Variants in DYM observed in about 807,000 individuals in gnomAD.
DYM encodes dyggve-Melchior-Clausen syndrome protein.
In DYM, 78 loss-of-function variants were observed where a neutral mutation model predicts 93.1. The observed-to-expected ratio is 0.84, with a 90% CI of 0.70 to 1.01. The LOEUF is 1.01. DYM is among the 50% of genes least tolerant of loss of function. The pLI is 0.00. For missense variants in DYM, 789 were observed against 845.0 expected (o/e 0.93, Z 0.82); for synonymous variants, 321 against 319.7 (o/e 1.00, Z -0.04).
At chr18:49,281,005 G>A (rs942444695) in intron 10 of DYM, among the ~76,000 whole-genome samples, 3 of 152,206 alleles carry the variant, frequency 2.0e-5, no homozygotes, top group Admixed American at 6.5e-5. Flanking sequence ...TACCATCGGA[G>A]TGAACAGGCA....
chr18:49,389,203 G>A (rs1568361842), intron 3 of DYM, among the ~76,000 whole-genome samples: 1 of 152,022 alleles, frequency 6.6e-6, no homozygotes, highest in Admixed American at 6.6e-5. Flanking sequence ...CTGGAATTTG[G>A]GGCAATAAAT....
At chr18:49,327,228 AT>A (rs1037922297) in intron 8 of DYM, among the ~76,000 whole-genome samples, 6 of 151,786 alleles carry the variant, frequency 4.0e-5, no homozygotes, top group Admixed American at 6.6e-5. Flanking sequence ...TCAAAATAAA[AT>A]TTTTTTTTAA....
At chr18:49,373,304 A>G (rs2067213513) in intron 5 of DYM, among the ~76,000 whole-genome samples, 1 of 152,174 alleles carries the variant, frequency 6.6e-6, no homozygotes, top group Admixed American at 6.5e-5. Flanking sequence ...CGGCTACTCC[A>G]GAGACAGAGC....
rs532641846 is a variant in DYM, at chr18:49,358,238, C to G, written c.494+4923G>C. 2.0e-5 allele frequency among the ~76,000 whole-genome samples: 3 copies of G among 152,284 alleles called. No individual in the cohort carries two copies. The East Asian group carries it at 5.8e-4, about 29-fold the overall frequency. On this transcript the variant is annotated intron_variant, in intron 6 of 17. Transcript: ENST00000675505. ...CTATTTTCAGGTGGTCAAAGCTACT[C>G]TATAGGGTAGTCAGGGTGGCCATTT...
chr18:49,378,675 T>C lies in DYM; in HGVS notation c.313A>G (p.Asn105Asp). 6.2e-7 allele frequency: 1 copy of C among 1,613,304 alleles called. No individual in the cohort carries two copies. The highest frequency in any genetic ancestry group is 8.5e-7 in the Non-Finnish European group (1 of 1,179,548). ...AAACAGCAAATAATAAACAAAGCAT[T>C]GTGTGTCTGCCAAATGAAGATGTGG... ...QNHIFIWQTHNALFIICCLLK... is the reference protein window; with the variant it reads ...QNHIFIWQTHDALFIICCLLK... Residue 105 changes from asparagine to aspartate, a missense_variant, in exon 5 of 18, where the codon AAT becomes GAT. By Grantham distance (23) the Asn-to-Asp change is conservative. Coordinates refer to ENST00000675505, the MANE Select transcript of DYM (RefSeq NM_001353214.3).
chr18:49,255,897 G>T (rs925668457), intron 13 of DYM, among the ~76,000 whole-genome samples: 4 of 151,390 alleles, frequency 2.6e-5, no homozygotes, highest in South Asian at 4.2e-4. Flanking sequence ...TGTCTTTACA[G>T]GGTGAAACCC....
At chr18:49,445,529 A>G (rs2082024379) in intron 1 of DYM, among the ~76,000 whole-genome samples, 1 of 152,206 alleles carries the variant, frequency 6.6e-6, no homozygotes, top group African/African-American at 2.4e-5. Context: ...AAGAGGACAA[A>G]TAAGTGAAAA....
intron 17 of DYM, among the ~76,000 whole-genome samples, chr18:49,072,749 T>C (rs1009803528): frequency 5.9e-5 from 9 of 152,234 alleles, no homozygotes; most frequent in African/African-American, 2.2e-4. Context: ...TTGCTTATCA[T>C]TGCTGAGACA....
At chr18:49,322,130 T>G (rs2062528819) in intron 8 of DYM, among the ~76,000 whole-genome samples, 1 of 152,158 alleles carries the variant, frequency 6.6e-6, no homozygotes, top group African/African-American at 2.4e-5. Context: ...TGAATTTCTC[T>G]ATCATAGCAT....
At chr18:49,297,520 T>C (rs1284554588) in intron 8 of DYM, among the ~76,000 whole-genome samples, 1 of 152,212 alleles carries the variant, frequency 6.6e-6, no homozygotes, top group African/African-American at 2.4e-5. Context: ...TTGAGCCACA[T>C]GCTAATTATG....
At chr18:49,049,940 C>T (rs1484985355) in intron 17 of DYM, among the ~76,000 whole-genome samples, 1 of 152,152 alleles carries the variant, frequency 6.6e-6, no homozygotes, top group East Asian at 1.9e-4. Context: ...TTTTAAAGAA[C>T]AAAGCTGTTT....
intron 13 of DYM, 81 bp downstream of exon 13, chr18:49,256,929 T>C (rs1047054684): frequency 1.6e-6 from 2 of 1,219,428 alleles, no homozygotes; most frequent in African/African-American, 1.5e-5. Flanking sequence ...ACAGGTAACA[T>C]TTAAAAAGGA....
intron 13 of DYM, among the ~76,000 whole-genome samples, chr18:49,252,711 T>C (rs2094316381): frequency 6.6e-6 from 1 of 152,128 alleles, no homozygotes; most frequent in African/African-American, 2.4e-5. Context: ...GAAAACTACC[T>C]GTTAATCAAA....
chr18:49,149,728 G>C (rs1156894217), intron 15 of DYM, among the ~76,000 whole-genome samples: 1 of 79,320 alleles, frequency 1.3e-5, no homozygotes, highest in Non-Finnish European at 2.3e-5. Context: ...TTTTTTTTGA[G>C]ATGGAATCTC....
chr18:49,392,402 GAA>G (rs1599870588), intron 2 of DYM, among the ~76,000 whole-genome samples: 1 of 152,236 alleles, frequency 6.6e-6, no homozygotes, highest in East Asian at 1.9e-4. Context: ...TCTACAGAGT[GAA>G]AAGTCAACCC....
At chr18:49,315,606 T>C (rs1367084656) in intron 8 of DYM, among the ~76,000 whole-genome samples, 1 of 152,200 alleles carries the variant, frequency 6.6e-6, no homozygotes, top group Non-Finnish European at 1.5e-5. Context: ...CATGAAAGAC[T>C]AAAAGACGTG....
chr18:49,132,207 A>C (rs1235226831), intron 15 of DYM, among the ~76,000 whole-genome samples: 1 of 152,222 alleles, frequency 6.6e-6, no homozygotes, highest in Non-Finnish European at 1.5e-5. Flanking sequence ...ATTTATTTAA[A>C]GATACTTCAG....
In DYM at chr18:49,141,534, G is replaced by A. The variant is rs191015093; in HGVS notation, c.1728+22151C>T. Among the ~76,000 whole-genome samples the A allele has an allele frequency of 1.6e-3, 247 of 152,178 alleles. 3 individuals are homozygous for A. Among genetic ancestry groups the A allele is most frequent in the Non-Finnish European group, 6.2e-4 (42 of 68,016 alleles). On this transcript the variant is annotated intron_variant, in intron 15 of 17. Transcript: ENST00000675505. ...CAGTTTCTTGAATAAACAGAGCTCC[G>A]TCCTGCTTCAGGCCTTCACACATGC...
chr18:49,077,279 T>C (rs1182538578), intron 17 of DYM, among the ~76,000 whole-genome samples: 2 of 152,254 alleles, frequency 1.3e-5, no homozygotes, highest in Non-Finnish European at 2.9e-5. Context: ...GCTGTCCCCC[T>C]GGGCCCAAGG....
Sources: gnomAD v4.1 joint callset for allele counts (sites outside exome capture counted in the v4.1 genomes callset) on GRCh38, gnomAD v4.1.1 for gene constraint, MANE v1.5 for transcripts, NCBI Gene and HGNC (gene_info 2026-07-23, HGNC 2026-07-21) for gene names.